The following ADD3 variants were observed in gnomAD, a reference collection of about 807,000 sequenced individuals.
The protein encoded by ADD3 is adducin 3, also known as gamma-adducin.
In ADD3, 25 loss-of-function variants were observed where a neutral mutation model predicts 80.2. That is an observed-to-expected ratio of 0.31 (90% CI 0.23 to 0.44). The LOEUF (loss-of-function observed/expected upper bound fraction) is 0.44, where lower values mean the gene tolerates loss of function less well. Among genes scored for constraint, ADD3 ranks in the 20% least tolerant of loss-of-function variants. The probability of loss-of-function intolerance (pLI) is 1.00; values close to 1 mark genes in which losing one functional copy is unlikely to be tolerated. For missense variants in ADD3, 829 were observed against 847.5 expected (o/e 0.98, Z 0.27); for synonymous variants, 284 against 289.6 (o/e 0.98, Z 0.20).
At chr10:110,006,674 C>G (rs1851659230), upstream of ADD3, among the ~76,000 whole-genome samples, 2 of 151,954 alleles carry the variant, frequency 1.3e-5, no homozygotes, top group African/African-American at 2.4e-5. Context: ...CAGTTTGTGT[C>G]AAGACAAGAT....
At chr10:110,015,677 T>C (rs936624804) in intron 1 of ADD3, among the ~76,000 whole-genome samples, 17 of 137,420 alleles carry the variant, frequency 1.2e-4, no homozygotes, top group African/African-American at 5.5e-4. Context: ...CCTGGCAGAA[T>C]GTTTGATTTT....
intron 1 of ADD3, among the ~76,000 whole-genome samples, chr10:110,096,594 G>A (rs181863685): frequency 6.6e-6 from 1 of 152,116 alleles, no homozygotes; most frequent in South Asian, 2.1e-4. Flanking sequence ...AGTTAGCTGG[G>A]GGGGGTCTGC....
At position 110,053,430 on chromosome 10, in the gene ADD3, A is replaced by T. The variant is rs112410124; in HGVS notation, c.-30+45131A>T. ...TCTGGATTCTATAAAGGTCATCTCT[A>T]TGTGTTTAAATTTTATGTCTGCATT... On this transcript the variant is annotated intron_variant, in intron 1 of 14. Coordinates refer to ENST00000356080, the MANE Select transcript of ADD3 (RefSeq NM_016824.5). Among the ~76,000 whole-genome samples the T allele has an allele frequency of 4.9e-5, 6 of 121,902 alleles. No individual in the cohort carries two copies. In the South Asian group the frequency reaches 1.3e-3, roughly 26 times the overall value. The allele number at this position is 121,902 out of a possible 152,430, so 80.0% of individuals were successfully genotyped here. A position where few individuals can be genotyped will look rare whatever the true frequency, so the allele number is the denominator to read the frequency against.
intron 2 of ADD3, among the ~76,000 whole-genome samples, chr10:110,101,635 TAAAA>T (rs201966150): frequency 2.9e-5 from 3 of 102,724 alleles, no homozygotes; most frequent in Non-Finnish European, 6.2e-5. Flanking sequence ...AGACCTTACC[TAAAA>T]AAAAAAAAAA....
At chr10:110,053,635 T>G (rs898598399) in intron 1 of ADD3, among the ~76,000 whole-genome samples, 1 of 152,180 alleles carries the variant, frequency 6.6e-6, no homozygotes, top group Admixed American at 6.5e-5. Context: ...TTGGAACCTT[T>G]ACTAACCATC....
At chr10:110,093,108 C>T (rs1847757475) in intron 1 of ADD3, among the ~76,000 whole-genome samples, 1 of 152,198 alleles carries the variant, frequency 6.6e-6, no homozygotes, top group South Asian at 2.1e-4. Context: ...ATCCGCCCAC[C>T]TTGGCCTCCC....
At chr10:109,996,699 G>A (rs935938429) in intron 1 of ADD3, among the ~76,000 whole-genome samples, 1 of 152,226 alleles carries the variant, frequency 6.6e-6, no homozygotes, top group Non-Finnish European at 1.5e-5. Context: ...TGCTCTGAAA[G>A]TTTAGTCTGA....
intron 1 of ADD3, among the ~76,000 whole-genome samples, chr10:110,049,620 G>A (rs1413484407): frequency 6.6e-6 from 1 of 152,180 alleles, no homozygotes; most frequent in African/African-American, 2.4e-5. Context: ...AGGCGCGGTG[G>A]CTCATGCCTG....
intron 1 of ADD3, among the ~76,000 whole-genome samples, chr10:110,036,150 C>CA (rs1855616098): frequency 6.6e-6 from 1 of 151,728 alleles, no homozygotes; most frequent in East Asian, 1.9e-4. Context: ...GACTCCATCT[C>CA]AAAAAAACAA....
chr10:110,075,969 T>A (rs1179799058), intron 1 of ADD3, among the ~76,000 whole-genome samples: 2 of 152,204 alleles, frequency 1.3e-5, no homozygotes, highest in East Asian at 3.8e-4. Flanking sequence ...TGTTCAATAC[T>A]CCAGACTGAA....
At chr10:110,132,977 G>T (rs891848192) in intron 14 of ADD3, among the ~76,000 whole-genome samples, 2 of 147,760 alleles carry the variant, frequency 1.4e-5, no homozygotes, top group African/African-American at 5.0e-5. Flanking sequence ...CTCCCAATCA[G>T]CAGCATGAAA....
intron 1 of ADD3, among the ~76,000 whole-genome samples, chr10:110,090,843 TG>T (rs1203545477): frequency 1.3e-5 from 2 of 152,180 alleles, no homozygotes. Context: ...GTTATTGTTG[TG>T]GGGGTTTTTT....
chr10:110,051,461 A>G (rs1018628496), intron 1 of ADD3, among the ~76,000 whole-genome samples: 5 of 152,208 alleles, frequency 3.3e-5, no homozygotes, highest in Non-Finnish European at 4.4e-5. Flanking sequence ...AAATAAGTAT[A>G]TATAAGTGCA....
chr10:110,040,254 G>GAAT (rs1856141681), intron 1 of ADD3, among the ~76,000 whole-genome samples: 1 of 152,032 alleles, frequency 6.6e-6, no homozygotes, highest in Non-Finnish European at 1.5e-5. Flanking sequence ...AATGAGGTTT[G>GAAT]GGTGAGAATA....
At chr10:110,095,493 T>A (rs989649947) in intron 1 of ADD3, among the ~76,000 whole-genome samples, 1 of 152,220 alleles carries the variant, frequency 6.6e-6, no homozygotes, top group African/African-American at 2.4e-5. Context: ...CTAGCTTCTT[T>A]CACTTACAAT....
chr10:110,089,894 C>A (rs1421099610), intron 1 of ADD3, among the ~76,000 whole-genome samples: 1 of 152,096 alleles, frequency 6.6e-6, no homozygotes, highest in East Asian at 1.9e-4. Flanking sequence ...AACCCTGCCC[C>A]TTGTATGGCC....
In ADD3 at chr10:110,135,349, T is replaced by C. The variant is rs1212386143; in HGVS notation, c.*1731T>C. On this transcript the variant is annotated 3_prime_UTR_variant, in exon 15 of 15. Transcript: ENST00000356080. ...GCTTTTCCATAACTTTTTAAAAATA[T>C]ATATATCTAAATGAATGCAATGTGC... The C allele has an allele frequency of 2.6e-5, 4 of 152,660 alleles. No homozygotes were observed. The highest frequency in any genetic ancestry group is 2.1e-4 in the South Asian group (1 of 4,836). 9.5% of individuals were successfully genotyped at this position (152,660 alleles called of 1,614,324 possible). A position where few individuals can be genotyped will look rare whatever the true frequency, so the allele number is the denominator to read the frequency against.
chr10:110,086,583 G>A (rs942843719), intron 1 of ADD3, among the ~76,000 whole-genome samples: 1 of 152,138 alleles, frequency 6.6e-6, no homozygotes, highest in East Asian at 1.9e-4. Context: ...TCTCATGATA[G>A]AGTTCTCACA....
At chr10:110,093,478 C>T (rs1252270000) in intron 1 of ADD3, among the ~76,000 whole-genome samples, 1 of 152,118 alleles carries the variant, frequency 6.6e-6, no homozygotes, top group Non-Finnish European at 1.5e-5. Flanking sequence ...TTTATTATTA[C>T]CCAGAGCACA....
Sources: gnomAD v4.1 joint callset for allele counts (sites outside exome capture counted in the v4.1 genomes callset) on GRCh38, gnomAD v4.1.1 for gene constraint, MANE v1.5 for transcripts, NCBI Gene and HGNC (gene_info 2026-07-23, HGNC 2026-07-21) for gene names.